CYP4F22: variants seen among roughly 807,000 people sequenced by gnomAD.
The protein encoded by CYP4F22 is cytochrome P450 family 4 subfamily F member 22.
A neutral mutation model predicts 60.4 loss-of-function variants in CYP4F22; 37 were observed. The ratio of observed to expected loss-of-function variants is 0.61; its 90% CI spans 0.47 to 0.81. The LOEUF (loss-of-function observed/expected upper bound fraction) is 0.81. CYP4F22 is among the 30% of genes least tolerant of loss of function. CYP4F22 has a pLI of 0.00. For synonymous variants in CYP4F22, 258 were observed against 280.5 expected, an observed-to-expected ratio of 0.92 and a Z score of 0.80; for missense variants, 655 against 715.0, an observed-to-expected ratio of 0.92 and a Z score of 0.96.
At chr19:15,544,330 G>A (rs189565039) in intron 10 of CYP4F22, 51 bp downstream of exon 10, 1 of 1,584,562 alleles carries the variant, frequency 6.3e-7, no homozygotes, top group East Asian at 2.3e-5. Context: ...CCAGAGCCTT[G>A]GGTGTAAGCC....
Position 15,545,948 on chromosome 19 carries a change from T to C in CYP4F22, c.1136+1669T>C, listed in dbSNP as rs145264656. ...GCTTTCACAGTGGTGTTTGTATGGA[T>C]GAATACCTTTATGCCAGGGATGCTG... On this transcript the variant is annotated intron_variant, in intron 10 of 13. Coordinates refer to ENST00000269703, the MANE Select transcript of CYP4F22 (RefSeq NM_173483.4). Among the ~76,000 whole-genome samples, 13 of 152,278 alleles carry C rather than the reference T, an allele frequency of 8.5e-5. No homozygotes were observed. The East Asian group carries it at 2.5e-3, about 29-fold the overall frequency.
intron 4 of CYP4F22, among the ~76,000 whole-genome samples, chr19:15,536,909 C>T (rs886155357): frequency 1.3e-5 from 2 of 151,954 alleles, no homozygotes; most frequent in Admixed American, 6.6e-5. Context: ...GATTTTTTCT[C>T]GGGTAGGTGT....
chr19:15,548,327 C>G, intron 11 of CYP4F22, 86 bp downstream of exon 11: 1 of 1,584,622 alleles, frequency 6.3e-7, no homozygotes, highest in Non-Finnish European at 8.6e-7. Flanking sequence ...GCTATGCCTG[C>G]CCCAGGTGCA....
chr19:15,520,689 G>A (rs1971213947), intron 1 of CYP4F22, among the ~76,000 whole-genome samples: 1 of 151,828 alleles, frequency 6.6e-6, no homozygotes. Context: ...CCAAGTTCAA[G>A]CGATTTTCCT....
chr19:15,520,671 T>TCCG (rs1039018747), intron 1 of CYP4F22, among the ~76,000 whole-genome samples: 14 of 151,950 alleles, frequency 9.2e-5, no homozygotes, highest in Non-Finnish European at 1.9e-4. Context: ...CACTGCAACC[T>TCCG]CCGCCTCCCA....
intron 10 of CYP4F22, among the ~76,000 whole-genome samples, chr19:15,545,648 CAAAAAAAAAAAAAA>C (rs1217096575): frequency 7.7e-5 from 3 of 38,938 alleles, no homozygotes; most frequent in East Asian, 1.0e-3. Flanking sequence ...GACCCTGTCT[CAAAAAAAAAAAAAA>C]AAAAAAAAAG....
At chr19:15,519,181 G>C (rs116981979) in intron 1 of CYP4F22, among the ~76,000 whole-genome samples, 2,280 of 152,240 alleles carry the variant, frequency 0.015, 21 homozygotes, top group Non-Finnish European at 0.022. Context: ...ACAGAGGAAA[G>C]GGGGGACAAC....
intron 7 of CYP4F22, among the ~76,000 whole-genome samples, chr19:15,538,217 T>A (rs752402222): frequency 5.3e-5 from 8 of 152,104 alleles, no homozygotes; most frequent in Non-Finnish European, 1.0e-4. Flanking sequence ...TGTGTGAGAA[T>A]TAAATGAGAT....
rs1348790652 is a variant in CYP4F22, at chr19:15,550,580, C to G, written c.1336-94C>G. 3 of 1,269,638 alleles carry G rather than the reference C, an allele frequency of 2.4e-6. No individual in the cohort carries two copies. The East Asian group carries it at 6.9e-5, about 29-fold the overall frequency. The allele number at this position is 1,269,638 out of a possible 1,614,324, so 78.6% of individuals were successfully genotyped here. A position where few individuals can be genotyped will look rare whatever the true frequency, so the allele number is the denominator to read the frequency against. ...GAGGTGGCCCTGGGGTGCTCCCCAT[C>G]CATCTTTACTGACCCCCAGAGGCTC... On this transcript the variant is annotated intron_variant, in intron 12 of 13. Coordinates refer to ENST00000269703, the MANE Select transcript of CYP4F22 (RefSeq NM_173483.4).
chr19:15,510,966 A>ATATTT (rs34055543), intron 1 of CYP4F22, among the ~76,000 whole-genome samples: 10 of 103,306 alleles, frequency 9.7e-5, no homozygotes, highest in African/African-American at 2.3e-4. Context: ...ATATATATAT[A>ATATTT]TTTTTTTTTT....
chr19:15,551,386 G>T lies in CYP4F22; in HGVS notation c.1511G>T (p.Arg504Leu). The change falls in exon 14 of 14, where the codon CGC becomes CTC. Residue 504 changes from arginine to leucine, a missense_variant. Arg to Leu is a moderately radical substitution (Grantham distance 102). Coordinates refer to ENST00000269703, the MANE Select transcript of CYP4F22 (RefSeq NM_173483.4). ...TTCCGCCTGAGCGTGGACCGAACGCGCAAGGTGCGGCGGAAGCCGGAGCTC... is the reference window on the plus strand; with the variant it reads ...TTCCGCCTGAGCGTGGACCGAACGCTCAAGGTGCGGCGGAAGCCGGAGCTC... The part of the protein sequence containing the change: ...LRFRLSVDRT[R>L]KVRRKPELIL... 1 of 1,609,286 alleles carries T rather than the reference G, an allele frequency of 6.2e-7. No homozygotes were observed. The highest frequency in any genetic ancestry group is 8.5e-7 in the Non-Finnish European group (1 of 1,177,816).
intron 4 of CYP4F22, 113 bp from the exon 5 acceptor site, chr19:15,537,248 T>G (rs578068967): frequency 2.2e-6 from 3 of 1,377,796 alleles, no homozygotes; most frequent in Non-Finnish European, 3.1e-6. Flanking sequence ...TTGCAGTGAG[T>G]GGAGATCGCA....
chr19:15,537,909 C>T lies in CYP4F22; in HGVS notation c.587C>T (p.Ser196Phe). 1.9e-6 allele frequency: 3 copies of T among 1,614,162 alleles called. No homozygotes were observed. Among genetic ancestry groups the T allele is most frequent in the Non-Finnish European group, 2.5e-6 (3 of 1,180,036 alleles). The change falls in exon 7 of 14, where the codon TCC (serine) becomes TTC (phenylalanine). Residue 196 changes from serine to phenylalanine, a missense_variant. Ser to Phe is a radical substitution (Grantham distance 155, BLOSUM62 -2). Coordinates refer to ENST00000269703, the MANE Select transcript of CYP4F22 (RefSeq NM_173483.4). ...CATCTGGCAGAGGGCTCAGCGGTCT[C>T]CCTTGATATGTTTGAGCATATCAGC... ...WRHLAEGSAV[S>F]LDMFEHISLM...
At chr19:15,510,964 A>ATTTTT (rs1395915764) in intron 1 of CYP4F22, among the ~76,000 whole-genome samples, 28 of 113,646 alleles carry the variant, frequency 2.5e-4, no homozygotes, top group African/African-American at 1.1e-3. Flanking sequence ...ATATATATAT[A>ATTTTT]TATTTTTTTT....
chr19:15,535,261 C>G (rs1971383249), intron 4 of CYP4F22, among the ~76,000 whole-genome samples: 1 of 152,204 alleles, frequency 6.6e-6, no homozygotes, highest in Admixed American at 6.5e-5. Context: ...CTTCCCTTTC[C>G]TGCCCCACTC....
Position 15,548,213 on chromosome 19 carries a change from G to T in CYP4F22, c.1242G>T (p.Lys414Asn), listed in dbSNP as rs762300969. 1 of 1,614,128 alleles carries T rather than the reference G, an allele frequency of 6.2e-7. No individual in the cohort carries two copies. ...LVSRQCTEDI[K>N]LPDGRIIPKG... The stretch of plus-strand genomic sequence containing the variant: ...CTCGCCAATGCACGGAGGACATCAA[G>T]CTCCCAGATGGGCGCATCATCCCCA... The change falls in exon 11 of 14, where the codon AAG (lysine) becomes AAT (asparagine). Residue 414 changes from lysine (K) to asparagine (N), a missense_variant. By Grantham distance (94) the Lys-to-Asn change is moderately conservative. Transcript: ENST00000269703.
intron 4 of CYP4F22, among the ~76,000 whole-genome samples, chr19:15,534,952 A>G (rs1243713458): frequency 7.9e-5 from 12 of 152,146 alleles, no homozygotes; most frequent in Non-Finnish European, 4.4e-5. Flanking sequence ...ACTGACAGTT[A>G]AGCAGGAACT....
At chr19:15,541,733 A>G (rs1034367824) in intron 8 of CYP4F22, among the ~76,000 whole-genome samples, 2 of 151,198 alleles carry the variant, frequency 1.3e-5, no homozygotes, top group African/African-American at 4.9e-5. Flanking sequence ...ATACAAAATT[A>G]GCCGGGCGTG....
intron 8 of CYP4F22, among the ~76,000 whole-genome samples, chr19:15,542,398 G>C (rs886327730): frequency 6.6e-6 from 1 of 151,894 alleles, no homozygotes; most frequent in Admixed American, 6.6e-5. Flanking sequence ...TTAGCCGGGC[G>C]TGGTGGCATG....
Sources: allele counts gnomAD v4.1 joint callset (sites outside exome capture counted in the v4.1 genomes callset), GRCh38; gene constraint gnomAD v4.1.1; transcripts MANE v1.5; gene names NCBI Gene and HGNC (gene_info 2026-07-23, HGNC 2026-07-21).